PTP4A1: variants seen among roughly 807,000 people sequenced by gnomAD.
PTP4A1 encodes the protein protein tyrosine phosphatase 4A1, also known as protein tyrosine phosphatase type IVA 1.
In PTP4A1, 9 loss-of-function variants were observed where a neutral mutation model predicts 20.5. The observed-to-expected ratio is 0.44, with a 90% CI of 0.26 to 0.77. The LOEUF is 0.77. Among genes scored for constraint, PTP4A1 ranks in the 30% least tolerant of loss-of-function variants. PTP4A1 has a pLI of 0.19. For missense variants in PTP4A1, 137 were observed against 218.8 expected (o/e 0.63, Z 2.36); for synonymous variants, 78 against 67.4 (o/e 1.16, Z -0.77).
At chr6:63,543,241 A>G (rs1776055965) in intron 2 of PTP4A1, among the ~76,000 whole-genome samples, 1 of 152,148 alleles carries the variant, frequency 6.6e-6, no homozygotes, top group South Asian at 2.1e-4. Flanking sequence ...ATCCCAGGAA[A>G]CCCCTCAGTC....
chr6:63,561,966 A>G (rs1776975686), intron 3 of PTP4A1, among the ~76,000 whole-genome samples: 1 of 152,210 alleles, frequency 6.6e-6, no homozygotes, highest in East Asian at 1.9e-4. Context: ...TTTATCTGAA[A>G]TGATTTTTCC....
chr6:63,555,029 A>G (rs1776619507), intron 3 of PTP4A1, among the ~76,000 whole-genome samples: 1 of 152,236 alleles, frequency 6.6e-6, no homozygotes, highest in Non-Finnish European at 1.5e-5. Flanking sequence ...ATCAGAACAC[A>G]GCCAAGCAAA....
At chr6:63,557,119 A>G (rs1185144193) in intron 3 of PTP4A1, among the ~76,000 whole-genome samples, 1 of 152,246 alleles carries the variant, frequency 6.6e-6, no homozygotes, top group Non-Finnish European at 1.5e-5. Flanking sequence ...TTGTCTTGGA[A>G]TTCTTCAAAG....
chr6:63,574,581 T>A (rs1777728067), intron 1 of PTP4A1, among the ~76,000 whole-genome samples: 1 of 152,208 alleles, frequency 6.6e-6, no homozygotes. Context: ...AAGTGCTTAC[T>A]TACATGAAGG....
intron 2 of PTP4A1, among the ~76,000 whole-genome samples, chr6:63,534,142 C>T (rs897697312): frequency 6.6e-6 from 1 of 151,476 alleles, no homozygotes; most frequent in African/African-American, 2.4e-5. Context: ...AGTGCCCAGC[C>T]GAACAAACAT....
chr6:63,576,812 G>C lies in PTP4A1; in HGVS notation c.-69G>C. On this transcript the variant is annotated 5_prime_UTR_variant, in exon 2 of 6. Transcript: ENST00000626021. ...TATTGAAGTAGACTTCAGTTTCTTT[G>C]CATCATTTCTGTATTCAATTTTTTT... 7.9e-7 allele frequency: 1 copy of C among 1,266,606 alleles called. No homozygotes were observed. The highest frequency in any genetic ancestry group is 1.3e-5 in the South Asian group (1 of 76,766). 78.5% of individuals were successfully genotyped at this position (1,266,606 alleles called of 1,614,324 possible). A position where few individuals can be genotyped will look rare whatever the true frequency, so the allele number is the denominator to read the frequency against.
At chr6:63,552,718 G>A (rs989035909) in intron 3 of PTP4A1, among the ~76,000 whole-genome samples, 2 of 152,162 alleles carry the variant, frequency 1.3e-5, no homozygotes, top group African/African-American at 4.8e-5. Flanking sequence ...TGTATAAGGT[G>A]TAAGGAAGGG....
At chr6:63,550,456 C>T (rs984008262) in exon 3 of PTP4A1, 14 of 152,094 alleles carry the variant, frequency 9.2e-5, no homozygotes, top group East Asian at 1.9e-4. Flanking sequence ...GTTCTTCAGA[C>T]GACTCTACCT....
intron 2 of PTP4A1, among the ~76,000 whole-genome samples, chr6:63,550,094 C>T (rs1021377282): frequency 6.6e-6 from 1 of 152,108 alleles, no homozygotes; most frequent in Non-Finnish European, 1.5e-5. Flanking sequence ...TATGTGTCAA[C>T]TTGAAACGTT....
At chr6:63,538,573 A>G (rs1357650596) in intron 2 of PTP4A1, among the ~76,000 whole-genome samples, 1 of 152,252 alleles carries the variant, frequency 6.6e-6, no homozygotes, top group Admixed American at 6.5e-5. Context: ...ACTTGGTCCA[A>G]GCATATAAAA....
chr6:63,555,939 C>T (rs1382700573), intron 3 of PTP4A1, among the ~76,000 whole-genome samples: 2 of 152,190 alleles, frequency 1.3e-5, no homozygotes, highest in Admixed American at 6.5e-5. Context: ...GATCTGCCTG[C>T]CTCAGCCTCC....
At chr6:63,564,964 T>A (rs762205517) in intron 3 of PTP4A1, among the ~76,000 whole-genome samples, 1 of 152,218 alleles carries the variant, frequency 6.6e-6, no homozygotes, top group Admixed American at 6.5e-5. Context: ...CCTTTCAGCA[T>A]GCAAATGAAA....
At chr6:63,561,909 G>A (rs1030854427) in intron 3 of PTP4A1, among the ~76,000 whole-genome samples, 3 of 152,190 alleles carry the variant, frequency 2.0e-5, no homozygotes, top group African/African-American at 7.2e-5. Context: ...CTCTGCTGCA[G>A]AGAGTACAAT....
At chr6:63,564,866 A>G (rs1343194466) in intron 3 of PTP4A1, among the ~76,000 whole-genome samples, 1 of 152,202 alleles carries the variant, frequency 6.6e-6, no homozygotes. Flanking sequence ...CTCAAACTAG[A>G]TTCCTCCAGG....
At chr6:63,519,829 C>T (rs1017503399), upstream of PTP4A1, among the ~76,000 whole-genome samples, 1 of 152,146 alleles carries the variant, frequency 6.6e-6, no homozygotes, top group Non-Finnish European at 1.5e-5. Flanking sequence ...ATTTTAGCTC[C>T]TGAAATTCAA....
chr6:63,559,702 G>A lies in PTP4A1; in HGVS notation c.-446+9209G>A, dbSNP rs563177491. 9.2e-5 allele frequency among the ~76,000 whole-genome samples: 14 copies of A among 151,844 alleles called. No individual in the cohort carries two copies. In the East Asian group the frequency reaches 1.8e-3, roughly 19 times the overall value. ...AGAGGTTGCAGTGAGCCAAGATCGC[G>A]CCACTGCACTCCAGCCTGGGTGACA... is the stretch of plus-strand genomic sequence containing the variant. On this transcript the variant is annotated intron_variant, in intron 3 of 3. Coordinates refer to the PTP4A1 transcript ENST00000639568.
intron 2 of PTP4A1, among the ~76,000 whole-genome samples, chr6:63,536,672 T>C (rs1775741661): frequency 6.6e-6 from 1 of 152,214 alleles, no homozygotes; most frequent in Non-Finnish European, 1.5e-5. Flanking sequence ...TCCACAAGGA[T>C]AATAAATACT....
At position 63,564,424 on chromosome 6, in the gene PTP4A1, G is replaced by C. The variant is rs114991330; in HGVS notation, c.-445-12012G>C. Among the ~76,000 whole-genome samples, 811 of 152,268 alleles carry C rather than the reference G, an allele frequency of 5.3e-3. 3 individuals carry two copies. The highest frequency in any genetic ancestry group is 0.01 in the Middle Eastern group (3 of 294). ...CCCTAGTTAAAAAGCAACTGTGTTAGGATAAGAAAAAAGCATGACTGTTGT... is the reference window on the plus strand; with the variant it reads ...CCCTAGTTAAAAAGCAACTGTGTTACGATAAGAAAAAAGCATGACTGTTGT... On this transcript the variant is annotated intron_variant, in intron 3 of 3. Coordinates refer to the PTP4A1 transcript ENST00000639568.
chr6:63,565,805 TACTC>T (rs1264181565), intron 3 of PTP4A1, among the ~76,000 whole-genome samples: 1 of 152,256 alleles, frequency 6.6e-6, no homozygotes, highest in Non-Finnish European at 1.5e-5. Context: ...CATCAAAACT[TACTC>T]AAAAGACTTT....
Sources: allele counts gnomAD v4.1 joint callset (sites outside exome capture counted in the v4.1 genomes callset), GRCh38; gene constraint gnomAD v4.1.1; transcripts MANE v1.5; gene names NCBI Gene and HGNC (gene_info 2026-07-23, HGNC 2026-07-21).